The following NLK variants were observed in gnomAD, a reference collection of about 807,000 sequenced individuals.
NLK encodes nemo like kinase.
NLK carries 11 observed loss-of-function variants against 59.0 expected under a neutral mutation model. The ratio of observed to expected loss-of-function variants is 0.19; its 90% CI spans 0.12 to 0.31. The LOEUF (loss-of-function observed/expected upper bound fraction) is 0.31. Among genes scored for constraint, NLK ranks in the 10% least tolerant of loss-of-function variants. The pLI, the probability that NLK is intolerant of heterozygous loss-of-function variation, is 1.00. For synonymous variants in NLK, 235 were observed against 235.9 expected (o/e 1.00, Z 0.03); for missense variants, 410 against 661.1 (o/e 0.62, Z 4.16).
intron 1 of NLK, among the ~76,000 whole-genome samples, chr17:28,092,363 A>G (rs1055003996): frequency 1.3e-5 from 2 of 152,204 alleles, no homozygotes; most frequent in African/African-American, 4.8e-5. Flanking sequence ...GCAGTTTCAG[A>G]AAACTTGTGG....
At chr17:28,066,045 C>T (rs1470147083) in intron 1 of NLK, among the ~76,000 whole-genome samples, 4 of 152,210 alleles carry the variant, frequency 2.6e-5, no homozygotes, top group Non-Finnish European at 5.9e-5. Flanking sequence ...GTTATGTCAA[C>T]GTAGCTTTCC....
chr17:28,156,544 C>A (rs1463458403), intron 3 of NLK, among the ~76,000 whole-genome samples: 1 of 152,132 alleles, frequency 6.6e-6, no homozygotes, highest in Non-Finnish European at 1.5e-5. Context: ...CTGCCCTTCA[C>A]CCCGCAACAC....
rs761047139 is a variant in NLK at position 28,132,655 on chromosome 17, C to T, written c.624C>T (p.His208=). 6.2e-7 allele frequency: 1 copy of T among 1,610,704 alleles called. No individual in the cohort carries two copies. Among genetic ancestry groups the T allele is most frequent in the Non-Finnish European group, 8.5e-7 (1 of 1,178,174 alleles). The change falls in exon 3 of 11, where the codon CAC becomes CAT. Residue 208 remains histidine, a synonymous_variant. Transcript: ENST00000407008. ...LSALDILQPP[H]IDYFEEIYVV... is the part of the protein sequence containing the mutation. Reference sequence around the variant, plus strand: ...CCCTTGACATACTCCAACCTCCACACATTGACTATTTTGAAGAAATGTATC... The same window carrying T: ...CCCTTGACATACTCCAACCTCCACATATTGACTATTTTGAAGAAATGTATC...
intron 7 of NLK, among the ~76,000 whole-genome samples, chr17:28,173,030 T>C (rs1037709854): frequency 6.6e-6 from 1 of 152,224 alleles, no homozygotes; most frequent in Admixed American, 6.5e-5. Flanking sequence ...GCTATTGCAC[T>C]CTTGCCACTA....
intron 3 of NLK, among the ~76,000 whole-genome samples, chr17:28,139,094 A>G (rs1406794722): frequency 6.6e-6 from 1 of 152,168 alleles, no homozygotes; most frequent in Non-Finnish European, 1.5e-5. Context: ...CGTCTCTACT[A>G]AAAATACAAA....
chr17:28,166,103 T>TATGTGG (rs1908221503), intron 5 of NLK, among the ~76,000 whole-genome samples: 1 of 152,164 alleles, frequency 6.6e-6, no homozygotes, highest in Non-Finnish European at 1.5e-5. Context: ...TAGTCCCAGC[T>TATGTGG]GCTCAGGAGG....
chr17:28,205,999 T>C, the NLK span, among the ~76,000 whole-genome samples: 8 of 152,348 alleles, frequency 5.3e-5, no homozygotes, highest in African/African-American at 1.9e-4. Context: ...CTAGTAGTCA[T>C]TTCTGTATGT....
chr17:28,153,128 G>A (rs1010634255), intron 3 of NLK, among the ~76,000 whole-genome samples: 10 of 151,850 alleles, frequency 6.6e-5, no homozygotes, highest in African/African-American at 2.4e-4. Flanking sequence ...AGAAAGATTA[G>A]CCAGGCGTGG....
At chr17:28,116,712 C>A (rs1346368341) in intron 1 of NLK, among the ~76,000 whole-genome samples, 1 of 152,114 alleles carries the variant, frequency 6.6e-6, no homozygotes, top group Non-Finnish European at 1.5e-5. Flanking sequence ...TGTTTTCTAT[C>A]CTTATAAACC....
At chr17:28,200,906 C>A (rs1422243277), downstream of NLK, among the ~76,000 whole-genome samples, 1 of 152,172 alleles carries the variant, frequency 6.6e-6, no homozygotes, top group Non-Finnish European at 1.5e-5. Flanking sequence ...AGGGCTTTTA[C>A]TCTTGTAAAG....
intron 3 of NLK, among the ~76,000 whole-genome samples, chr17:28,158,259 G>C (rs919268852): frequency 1.3e-5 from 2 of 152,128 alleles, no homozygotes; most frequent in African/African-American, 4.8e-5. Context: ...ACAATAATAA[G>C]TATTTGTATA....
intron 3 of NLK, among the ~76,000 whole-genome samples, chr17:28,156,383 T>G (rs1271148721): frequency 6.6e-6 from 1 of 152,212 alleles, no homozygotes; most frequent in South Asian, 2.1e-4. Context: ...ACAACAATTA[T>G]GCCATTATCA....
intron 1 of NLK, among the ~76,000 whole-genome samples, chr17:28,054,501 CTTTA>C (rs964375001): frequency 2.6e-5 from 4 of 152,140 alleles, no homozygotes; most frequent in Non-Finnish European, 5.9e-5. Context: ...AAGCACCTTT[CTTTA>C]TTAAGACTTT....
chr17:28,098,819 A>T (rs1904799985), intron 1 of NLK, among the ~76,000 whole-genome samples: 1 of 151,036 alleles, frequency 6.6e-6, no homozygotes, highest in South Asian at 2.1e-4. Flanking sequence ...AGTAGCTGCG[A>T]TTACAGACAT....
chr17:28,142,556 T>C (rs1907051812), intron 3 of NLK, among the ~76,000 whole-genome samples: 1 of 152,226 alleles, frequency 6.6e-6, no homozygotes, highest in African/African-American at 2.4e-5. Context: ...CTGTGACACA[T>C]TGCTGTTTTT....
chr17:28,179,880 T>TG lies in NLK; in HGVS notation c.1150-5299_1150-5298insG, dbSNP rs541068560. Among the ~76,000 whole-genome samples the TG allele has an allele frequency of 1.3e-3, 188 of 147,908 alleles. 3 individuals carry two copies. In the South Asian group the frequency reaches 0.032, roughly 26 times the overall value. The stretch of plus-strand genomic sequence containing the variant: ...ATTTCTAAGCATTCTTGGTTTTTTT[T>TG]TTTTTTTTTTTTTTTTTGCTTATTC... On this transcript the variant is annotated intron_variant, in intron 7 of 10. Coordinates refer to ENST00000407008, the MANE Select transcript of NLK (RefSeq NM_016231.5).
At chr17:28,173,457 G>T (rs1908553123) in intron 7 of NLK, among the ~76,000 whole-genome samples, 1 of 151,800 alleles carries the variant, frequency 6.6e-6, no homozygotes, top group Admixed American at 6.6e-5. Flanking sequence ...GGTGGCAAAG[G>T]GAAGACCTCA....
At chr17:28,094,262 AC>A (rs924687862) in intron 1 of NLK, among the ~76,000 whole-genome samples, 12 of 152,322 alleles carry the variant, frequency 7.9e-5, no homozygotes, top group African/African-American at 2.9e-4. Flanking sequence ...AACCCCCAAA[AC>A]AAAACCAAAT....
chr17:28,091,657 A>G (rs959594210), intron 1 of NLK, among the ~76,000 whole-genome samples: 5 of 152,156 alleles, frequency 3.3e-5, no homozygotes, highest in African/African-American at 1.2e-4. Flanking sequence ...CTGTTTCTTT[A>G]GAATGTCATG....
Sources: gnomAD v4.1 joint callset for allele counts (sites outside exome capture counted in the v4.1 genomes callset) on GRCh38, gnomAD v4.1.1 for gene constraint, MANE v1.5 for transcripts, NCBI Gene and HGNC (gene_info 2026-07-23, HGNC 2026-07-21) for gene names.